The following ZNF106 variants were observed in gnomAD, a reference collection of about 807,000 sequenced individuals.
The protein encoded by ZNF106 is zinc finger protein 106, also known as SH3-domain binding protein 3.
In ZNF106, 67 loss-of-function variants were observed where a neutral mutation model predicts 195.1. That is an observed-to-expected ratio of 0.34 (90% CI 0.28 to 0.42). ZNF106 has a LOEUF of 0.42. Among genes scored for constraint, ZNF106 ranks in the 10% least tolerant of loss-of-function variants. The probability of loss-of-function intolerance (pLI) is 1.00; values close to 1 mark genes in which losing one functional copy is unlikely to be tolerated. For synonymous variants in ZNF106, 784 were observed against 818.6 expected, an observed-to-expected ratio of 0.96 and a Z score of 0.72; for missense variants, 2,118 against 2,304.5, an observed-to-expected ratio of 0.92 and a Z score of 1.66.
rs569062300 is a variant in ZNF106 at position 42,444,759 on chromosome 15, G to A, written c.3360+68C>T. The A allele has an allele frequency of 6.9e-6, 11 of 1,583,446 alleles. No homozygotes were observed. The Middle Eastern group carries it at 5.1e-4, about 73-fold the overall frequency. ...TTGCTTTTGGGGTGACTCCAGACAT[G>A]GGTTTGGCAGCACAAAACAAGATTT... On this transcript the variant is annotated intron_variant, in intron 8 of 21. Transcript: ENST00000564754.
rs770855082 is a variant in ZNF106 at position 42,456,981 on chromosome 15, TATTAACTGAATG to T, written c.282_293del (p.Ile95_Ile98del). The T allele has an allele frequency of 3.1e-6, 5 of 1,612,724 alleles. No individual in the cohort carries two copies. The highest frequency in any genetic ancestry group is 4.2e-6 in the Non-Finnish European group (5 of 1,179,284). ...ACCGACTTTGTTCTTTCCTTTGTTTTATTAACTGAATGAGTTCCTTGTCAAAATAATCTTCTT... is the reference window on the plus strand; with the variant it reads ...ACCGACTTTGTTCTTTCCTTTGTTTTAGTTCCTTGTCAAAATAATCTTCTT... On this transcript the variant is annotated inframe_deletion, in exon 4 of 22. Coordinates refer to ENST00000564754, the MANE Select transcript of ZNF106 (RefSeq NM_001366845.3).
At chr15:42,422,426 A>T (rs2054697959) in intron 18 of ZNF106, 75 bp downstream of exon 18, 4 of 1,540,622 alleles carry the variant, frequency 2.6e-6, no homozygotes, top group Non-Finnish European at 1.8e-6. Flanking sequence ...ACCTTACTGT[A>T]TCAAAAATCA....
rs141371905 is a variant in ZNF106 at position 42,435,462 on chromosome 15, C to T, written c.4803G>A (p.Leu1601=). ...EGHTSKVNCL[L]VTQTSGKNAA... Reference sequence around the variant, plus strand: ...CATTCTTCCCGGAGGTCTGAGTAACCAGGAGGCAGTTAACTTTGGAGGTAT... The same window carrying T: ...CATTCTTCCCGGAGGTCTGAGTAACTAGGAGGCAGTTAACTTTGGAGGTAT... The change falls in exon 14 of 22, where the codon CTG becomes CTA. Residue 1601 remains leucine (L), a synonymous_variant. Transcript: ENST00000564754. The T allele has an allele frequency of 1.2e-6, 2 of 1,614,144 alleles. No homozygotes were observed. Among genetic ancestry groups the T allele is most frequent in the South Asian group, 1.1e-5 (1 of 91,080 alleles).
In ZNF106 at chr15:42,440,983, T is replaced by TAAAA. The variant is rs35854257; in HGVS notation, c.3763+1086_3763+1089dup. On this transcript the variant is annotated intron_variant, in intron 10 of 21. Transcript: ENST00000564754. ...GGGCAACAAAAAGCGAAACTCTGTCTAAAAAAAAAAAAAAAATATATATAT... is the reference window on the plus strand; with the variant it reads ...GGGCAACAAAAAGCGAAACTCTGTCTAAAAAAAAAAAAAAAAAAAATATATATAT... 2.1e-3 allele frequency among the ~76,000 whole-genome samples: 42 copies of TAAAA among 19,812 alleles called. 3 individuals are homozygous for TAAAA. Among genetic ancestry groups the TAAAA allele is most frequent in the South Asian group, 4.1e-3 (2 of 484 alleles). The allele number at this position is 19,812 out of a possible 152,430, so 13.0% of individuals were successfully genotyped here.
intron 3 of ZNF106, among the ~76,000 whole-genome samples, chr15:42,460,133 G>A (rs376108166): frequency 1.7e-4 from 26 of 151,950 alleles, no homozygotes; most frequent in African/African-American, 5.8e-4. Flanking sequence ...AAAGCTCATA[G>A]AATGCTAAAC....
At chr15:42,469,858 CAAAAAAAAAAAAAG>C (rs1166690204) in intron 2 of ZNF106, among the ~76,000 whole-genome samples, 1 of 85,982 alleles carries the variant, frequency 1.2e-5, no homozygotes, top group Non-Finnish European at 2.8e-5. Context: ...AAAACAACAA[CAAAAAAAAAAAAAG>C]AAAAAAAAGA....
chr15:42,472,585 A>T (rs1436063645), intron 1 of ZNF106, among the ~76,000 whole-genome samples: 17 of 151,994 alleles, frequency 1.1e-4, no homozygotes, highest in Admixed American at 1.1e-3. Context: ...CACCCAGCAC[A>T]TCTCTCATCC....
intron 2 of ZNF106, among the ~76,000 whole-genome samples, chr15:42,469,960 C>G (rs1263904390): frequency 6.6e-6 from 1 of 151,464 alleles, no homozygotes; most frequent in Non-Finnish European, 1.5e-5. Context: ...ATGTATTAGG[C>G]TTCTATTTAG....
chr15:42,442,556 T>C lies in ZNF106; in HGVS notation c.3422-142A>G, dbSNP rs766902001. On this transcript the variant is annotated intron_variant, in intron 9 of 21. Transcript: ENST00000564754. ...TATAGTCCCTCATAATTCTCCGAAA[T>C]ATGGAGAATATAATCTCTACAACCA... The C allele has an allele frequency of 1.9e-5, 12 of 629,924 alleles. No individual in the cohort carries two copies. In the Admixed American group the frequency reaches 2.6e-4, roughly 13 times the overall value. The allele number at this position is 629,924 out of a possible 1,614,324, so 39.0% of individuals were successfully genotyped here.
chr15:42,420,129 T>C (rs1417430258), intron 20 of ZNF106, among the ~76,000 whole-genome samples: 6 of 152,228 alleles, frequency 3.9e-5, no homozygotes, highest in Admixed American at 3.9e-4. Flanking sequence ...GGTTTCACTT[T>C]CTGAGGTTTT....
intron 1 of ZNF106, among the ~76,000 whole-genome samples, chr15:42,480,335 T>G (rs2056873663): frequency 6.6e-6 from 1 of 152,230 alleles, no homozygotes; most frequent in African/African-American, 2.4e-5. Context: ...CTTTTTATAT[T>G]GAAGTCTATT....
chr15:42,441,498 C>G (rs1450745577), intron 10 of ZNF106, among the ~76,000 whole-genome samples: 1 of 152,174 alleles, frequency 6.6e-6, no homozygotes, highest in Non-Finnish European at 1.5e-5. Context: ...AAATACAGCA[C>G]CACTGTGGTA....
intron 1 of ZNF106, chr15:42,490,310 G>T (rs2057121754): frequency 6.6e-6 from 1 of 152,022 alleles, no homozygotes; most frequent in Admixed American, 6.6e-5. Context: ...TATTTGCTAG[G>T]TAAGAGAACT....
At chr15:42,432,441 C>T (rs12438846) in intron 14 of ZNF106, among the ~76,000 whole-genome samples, 15,650 of 152,138 alleles carry the variant, frequency 0.1, 925 homozygotes, top group Non-Finnish European at 0.14. Context: ...AGGCATGAGC[C>T]GCAGTGCCCA....
intron 1 of ZNF106, among the ~76,000 whole-genome samples, chr15:42,489,410 C>G (rs2057090170): frequency 6.6e-6 from 1 of 151,946 alleles, no homozygotes; most frequent in Non-Finnish European, 1.5e-5. Flanking sequence ...CTCCTGACCT[C>G]AGGTGATCCG....
At chr15:42,458,003 T>C (rs2056287377) in intron 3 of ZNF106, among the ~76,000 whole-genome samples, 1 of 152,186 alleles carries the variant, frequency 6.6e-6, no homozygotes, top group South Asian at 2.1e-4. Context: ...CTGTAGCAGA[T>C]CAGTAATTTA....
At position 42,450,082 on chromosome 15, in the gene ZNF106, G is replaced by GTCACTTT; in HGVS notation, c.2183_2189dup (p.Asp730GlufsTer3). Reference sequence around the variant, plus strand: ...GGAGAGGGCCCGAGGGCTGACTGATGTCACTTTTTTGAAGCTCTGCATCCA... The same window carrying GTCACTTT: ...GGAGAGGGCCCGAGGGCTGACTGATGTCACTTTTCACTTTTTTGAAGCTCTGCATCCA... On this transcript the variant is annotated stop_gained and frameshift_variant, in exon 5 of 22. Coordinates refer to ENST00000564754, the MANE Select transcript of ZNF106 (RefSeq NM_001366845.3). LOFTEE classifies it high-confidence loss of function. The GTCACTTT allele has an allele frequency of 1.2e-6, 2 of 1,614,208 alleles. No homozygotes were observed. Among genetic ancestry groups the GTCACTTT allele is most frequent in the Non-Finnish European group, 1.7e-6 (2 of 1,180,042 alleles).
At chr15:42,458,088 A>C (rs1262319183) in intron 3 of ZNF106, among the ~76,000 whole-genome samples, 1 of 152,090 alleles carries the variant, frequency 6.6e-6, no homozygotes, top group Non-Finnish European at 1.5e-5. Flanking sequence ...ACATCTGAAC[A>C]CCATAGTTAC....
chr15:42,432,854 T>C (rs1196888422), intron 14 of ZNF106, among the ~76,000 whole-genome samples: 1 of 152,080 alleles, frequency 6.6e-6, no homozygotes, highest in Non-Finnish European at 1.5e-5. Context: ...CACTGCACCC[T>C]AGCCAGGGTG....
Sources: gnomAD v4.1 joint callset for allele counts (sites outside exome capture counted in the v4.1 genomes callset) on GRCh38, gnomAD v4.1.1 for gene constraint, MANE v1.5 for transcripts, NCBI Gene and HGNC (gene_info 2026-07-23, HGNC 2026-07-21) for gene names.